Variants in GPATCH11 observed in about 807,000 individuals in gnomAD.
GPATCH11 encodes the protein G patch domain-containing protein 11.
A neutral mutation model predicts 44.8 loss-of-function variants in GPATCH11; 32 were observed. The ratio of observed to expected loss-of-function variants is 0.71; its 90% CI spans 0.54 to 0.96. GPATCH11 has a LOEUF of 0.96. Among genes scored for constraint, GPATCH11 ranks in the 40% least tolerant of loss-of-function variants. The pLI, the probability that GPATCH11 is intolerant of heterozygous loss-of-function variation, is 0.00. For missense variants in GPATCH11, 324 were observed against 303.1 expected, an observed-to-expected ratio of 1.07 and a Z score of -0.51; for synonymous variants, 84 against 94.4, an observed-to-expected ratio of 0.89 and a Z score of 0.64.
chr2:37,091,442 C>G (rs1226106544), intron 4 of GPATCH11, among the ~76,000 whole-genome samples: 1 of 151,968 alleles, frequency 6.6e-6, no homozygotes, highest in African/African-American at 2.4e-5. Context: ...CACCTGTAGT[C>G]CTTGCTATTC....
intron 7 of GPATCH11, chr2:37,094,460 A>C: frequency 4.0e-6 from 1 of 252,614 alleles, no homozygotes. Flanking sequence ...CTAACCCCAA[A>C]TCAAAACTTA....
chr2:37,088,134 A>G (rs900008494), intron 1 of GPATCH11, among the ~76,000 whole-genome samples: 7 of 152,188 alleles, frequency 4.6e-5, no homozygotes, highest in Non-Finnish European at 8.8e-5. Flanking sequence ...GAGGTCAGGA[A>G]GAAGGAGATA....
chr2:37,091,758 TA>T (rs1158825109), intron 4 of GPATCH11, among the ~76,000 whole-genome samples, 157 bp from the exon 5 acceptor site: 3 of 152,014 alleles, frequency 2.0e-5, no homozygotes, highest in South Asian at 2.1e-4. Context: ...GTTTTGGGCT[TA>T]AAAAAAACCC....
rs1673565551 is a variant in GPATCH11, at chr2:37,096,102, A to G, written c.737-106A>G. The G allele has an allele frequency of 3.9e-5, 27 of 695,190 alleles. No individual in the cohort carries two copies. In the South Asian group the frequency reaches 5.3e-4, roughly 14 times the overall value. 43.1% of individuals were successfully genotyped at this position (695,190 alleles called of 1,614,324 possible). A position where few individuals can be genotyped will look rare whatever the true frequency, so the allele number is the denominator to read the frequency against. ...GTTTTTATCTTTTCTGGTTTAGCAG[A>G]ATAAGTAGAAAACATCAGATCAAAA... On this transcript the variant is annotated intron_variant, in intron 8 of 8. Coordinates refer to ENST00000674370, the MANE Select transcript of GPATCH11 (RefSeq NM_174931.4).
In GPATCH11 at chr2:37,097,341, A is replaced by G. The variant is rs985240834; in HGVS notation, c.*1078A>G. The G allele has an allele frequency of 9.2e-5, 14 of 152,200 alleles. No homozygotes were observed. The highest frequency in any genetic ancestry group is 3.4e-4 in the African/African-American group (14 of 41,452). 9.4% of individuals were successfully genotyped at this position (152,200 alleles called of 1,614,324 possible). Reference sequence around the variant, plus strand: ...TATTAATGAATACAGCTAAGGACATACCGTGTGGCATACTATGAGAGAGCT... The same window carrying G: ...TATTAATGAATACAGCTAAGGACATGCCGTGTGGCATACTATGAGAGAGCT... On this transcript the variant is annotated 3_prime_UTR_variant, in exon 9 of 9. Transcript: ENST00000674370.
intron 6 of GPATCH11, among the ~76,000 whole-genome samples, chr2:37,092,909 G>A (rs918696847): frequency 6.6e-6 from 1 of 152,092 alleles, no homozygotes; most frequent in Non-Finnish European, 1.5e-5. Flanking sequence ...ACTTTGGGAG[G>A]CAAAGGCAGG....
chr2:37,085,233 A>C (rs1486101298), intron 1 of GPATCH11, among the ~76,000 whole-genome samples: 1 of 152,228 alleles, frequency 6.6e-6, no homozygotes, highest in Admixed American at 6.5e-5. Flanking sequence ...CTTAAAAACA[A>C]TGTAATCCTA....
At chr2:37,086,079 T>C (rs1241119492) in intron 1 of GPATCH11, among the ~76,000 whole-genome samples, 1 of 152,190 alleles carries the variant, frequency 6.6e-6, no homozygotes, top group Non-Finnish European at 1.5e-5. Context: ...GCTGCAGTTA[T>C]GACCAAAAAA....
intron 7 of GPATCH11, among the ~76,000 whole-genome samples, chr2:37,094,548 A>T (rs987300863): frequency 6.6e-6 from 1 of 152,220 alleles, no homozygotes; most frequent in Non-Finnish European, 1.5e-5. Flanking sequence ...CAACAAATGT[A>T]AATTATTTTA....
chr2:37,094,293 C>A, intron 7 of GPATCH11, 98 bp downstream of exon 7: 1 of 736,786 alleles, frequency 1.4e-6, no homozygotes, highest in Non-Finnish European at 2.4e-6. Context: ...CTGTCCTGTG[C>A]ATTGCAAGAT....
chr2:37,095,749 C>T (rs1673543776), intron 8 of GPATCH11, among the ~76,000 whole-genome samples: 1 of 152,038 alleles, frequency 6.6e-6, no homozygotes, highest in Admixed American at 6.6e-5. Context: ...TCAAAAGAAA[C>T]AATTTTAGAA....
chr2:37,092,198 G>T lies in GPATCH11; in HGVS notation c.483G>T (p.Lys161Asn). Residue 161 changes from lysine to asparagine, a missense_variant, in exon 6 of 9, where the codon AAG becomes AAT. Coordinates refer to ENST00000674370, the MANE Select transcript of GPATCH11 (RefSeq NM_174931.4). ...MRLKNKQDEM[K>N]LEGDLRRSQR... ...TTAAAAATAAGCAAGATGAAATGAA[G>T]CTAGAAGGAGATCTCAGAAGAAGCC... The T allele has an allele frequency of 6.4e-7, 1 of 1,561,592 alleles. No homozygotes were observed. Among genetic ancestry groups the T allele is most frequent in the Non-Finnish European group, 8.6e-7 (1 of 1,159,274 alleles).
chr2:37,092,425 A>G lies in GPATCH11; in HGVS notation c.540+170A>G, dbSNP rs34670386. ...ATTTATATGTATCATATATATTTATATATTTTTTACATATGTCTTATATAT... is the reference window on the plus strand; with the variant it reads ...ATTTATATGTATCATATATATTTATGTATTTTTTACATATGTCTTATATAT... On this transcript the variant is annotated intron_variant, in intron 6 of 8. Transcript: ENST00000674370. 9.9e-3 allele frequency among the ~76,000 whole-genome samples: 1,448 copies of G among 145,630 alleles called. 8 individuals are homozygous for G. The highest frequency in any genetic ancestry group is 0.016 in the Non-Finnish European group (1,033 of 66,438).
At position 37,089,776 on chromosome 2, in the gene GPATCH11, G is replaced by T. The variant is rs760906816; in HGVS notation, c.196G>T (p.Gly66Trp). 1.4e-5 allele frequency: 21 copies of T among 1,551,758 alleles called. No individual in the cohort carries two copies. The highest frequency in any genetic ancestry group is 2.4e-5 in the South Asian group (2 of 84,066). The change falls in exon 3 of 9, where the codon GGG becomes TGG. Residue 66 changes from glycine (G) to tryptophan (W), a missense_variant. Gly to Trp is a radical substitution (Grantham distance 184). Transcript: ENST00000674370. ...AGAAGAACAAGAAAGACGTGACATTGGGTTGAAGAATGCACTAGGCTGTGA... is the reference window on the plus strand; with the variant it reads ...AGAAGAACAAGAAAGACGTGACATTTGGTTGAAGAATGCACTAGGCTGTGA... ...KEEEQERRDI[G>W]LKNALGCENK... is the part of the protein sequence containing the mutation.
chr2:37,095,433 A>C lies in GPATCH11; in HGVS notation c.655-4A>C. The C allele has an allele frequency of 6.2e-7, 1 of 1,603,174 alleles. No homozygotes were observed. The highest frequency in any genetic ancestry group is 1.7e-5 in the Admixed American group (1 of 57,688). On this transcript the variant is annotated splice_polypyrimidine_tract_variant and splice_region_variant and intron_variant, in intron 7 of 8. Coordinates refer to ENST00000674370, the MANE Select transcript of GPATCH11 (RefSeq NM_174931.4). Reference sequence around the variant, plus strand: ...AGTATTAATAATGTGCTTGTATCCTATAGGTACTGGAAAAATTACAAATAT... The same window carrying C: ...AGTATTAATAATGTGCTTGTATCCTCTAGGTACTGGAAAAATTACAAATAT...
intron 6 of GPATCH11, among the ~76,000 whole-genome samples, chr2:37,093,794 C>T (rs574453112): frequency 6.6e-6 from 1 of 152,132 alleles, no homozygotes; most frequent in Admixed American, 6.5e-5. Context: ...GTAGCTGGGA[C>T]GACAGGCATG....
Position 37,091,934 on chromosome 2 carries a change from A to G in GPATCH11, c.347A>G (p.His116Arg). ...TGAATAGGGAAAAGTGGCATTGGTC[A>G]TGAGGCATCATTAAAACGGAAAGCA... is the stretch of plus-strand genomic sequence containing the variant. ...NIKTGKSGIG[H>R]EASLKRKAEE... The change falls in exon 5 of 9, where the codon CAT (histidine) becomes CGT (arginine). Residue 116 changes from histidine to arginine, a missense_variant. His to Arg is a conservative substitution (Grantham distance 29). Transcript: ENST00000674370. 3 of 1,612,660 alleles carry G rather than the reference A, an allele frequency of 1.9e-6. No homozygotes were observed. Among genetic ancestry groups the G allele is most frequent in the East Asian group, 2.2e-5 (1 of 44,816 alleles).
intron 1 of GPATCH11, among the ~76,000 whole-genome samples, chr2:37,085,785 C>G (rs1672994474): frequency 6.6e-6 from 1 of 152,156 alleles, no homozygotes; most frequent in Non-Finnish European, 1.5e-5. Flanking sequence ...TTCTATGGGT[C>G]AGGAATTTGT....
Position 37,091,628 on chromosome 2 carries a change from G to T in GPATCH11, c.329-288G>T, listed in dbSNP as rs139995254. ...TACTTGGATGAATTCAAGAGAAAAA[G>T]ATATATTTTATTCATATTTAAATAA... On this transcript the variant is annotated intron_variant, in intron 4 of 8. Transcript: ENST00000674370. Among the ~76,000 whole-genome samples the T allele has an allele frequency of 4.0e-3, 614 of 152,102 alleles. 2 individuals carry two copies. Among genetic ancestry groups the T allele is most frequent in the Middle Eastern group, 0.01 (3 of 294 alleles).
Sources: gnomAD v4.1 joint callset for allele counts (sites outside exome capture counted in the v4.1 genomes callset) on GRCh38, gnomAD v4.1.1 for gene constraint, MANE v1.5 for transcripts, NCBI Gene and HGNC (gene_info 2026-07-23, HGNC 2026-07-21) for gene names.